The following TMEM17 variants were observed in gnomAD, a reference collection of about 807,000 sequenced individuals.
TMEM17 encodes transmembrane protein 17.
A neutral mutation model predicts 19.1 loss-of-function variants in TMEM17; 15 were observed. That is an observed-to-expected ratio of 0.78 (90% CI 0.52 to 1.21). The LOEUF (loss-of-function observed/expected upper bound fraction) is 1.21. Among genes scored for constraint, TMEM17 ranks in the 50% most tolerant of loss-of-function variants. TMEM17 has a pLI of 0.00. For synonymous variants in TMEM17, 103 were observed against 86.9 expected (o/e 1.19, Z -1.03); for missense variants, 245 against 242.3 (o/e 1.01, Z -0.07).
chr2:62,473,840 G>T, the TMEM17 span, among the ~76,000 whole-genome samples: 2 of 152,216 alleles, frequency 1.3e-5, no homozygotes, highest in African/African-American at 4.8e-5. Flanking sequence ...GACTCTGCTT[G>T]CTTTGGAAAC....
At chr2:62,497,480 C>T (rs1262690445), downstream of TMEM17, among the ~76,000 whole-genome samples, 1 of 152,116 alleles carries the variant, frequency 6.6e-6, no homozygotes, top group African/African-American at 2.4e-5. Context: ...GTAGTTGAAA[C>T]AGAACTCACA....
the TMEM17 span, among the ~76,000 whole-genome samples, chr2:62,494,416 C>A: frequency 6.6e-6 from 1 of 152,074 alleles, no homozygotes; most frequent in Non-Finnish European, 1.5e-5. Context: ...AGTCCTAAAA[C>A]TTCTACTTTC....
At chr2:62,481,306 C>T in the TMEM17 span, among the ~76,000 whole-genome samples, 1 of 152,120 alleles carries the variant, frequency 6.6e-6, no homozygotes, top group East Asian at 1.9e-4. Context: ...TGCAACTTTA[C>T]TGAATTATTT....
At chr2:62,478,792 T>C in the TMEM17 span, among the ~76,000 whole-genome samples, 1 of 152,202 alleles carries the variant, frequency 6.6e-6, no homozygotes, top group Admixed American at 6.5e-5. Context: ...GTTTTAAAAA[T>C]TATTATTTTG....
the TMEM17 span, among the ~76,000 whole-genome samples, chr2:62,459,428 G>T: frequency 6.6e-6 from 1 of 152,258 alleles, no homozygotes; most frequent in Non-Finnish European, 1.5e-5. Context: ...ATGGTGACTT[G>T]CTGCTCGGGC....
chr2:62,499,252 A>G (rs1046993786), downstream of TMEM17, among the ~76,000 whole-genome samples: 1 of 152,180 alleles, frequency 6.6e-6, no homozygotes, highest in African/African-American at 2.4e-5. Context: ...TAAAGTTTAA[A>G]TGTACCAGAA....
chr2:62,502,611 A>G, intron 2 of TMEM17, 61 bp from the exon 3 acceptor site: 1 of 1,368,438 alleles, frequency 7.3e-7, no homozygotes, highest in Non-Finnish European at 9.7e-7. Flanking sequence ...GATTTAAGAT[A>G]GAAAAAATTA....
At position 62,502,527 on chromosome 2, in the gene TMEM17, G is replaced by A. The variant is rs763621175; in HGVS notation, c.228C>T (p.Tyr76=). 6.2e-7 allele frequency: 1 copy of A among 1,609,738 alleles called. No homozygotes were observed. Among genetic ancestry groups the A allele is most frequent in the Non-Finnish European group, 8.5e-7 (1 of 1,177,040 alleles). The change falls in exon 3 of 4, where the codon TAC becomes TAT. Residue 76 remains tyrosine (Y), a synonymous_variant. Coordinates refer to ENST00000335390, the MANE Select transcript of TMEM17 (RefSeq NM_198276.3). Reference sequence around the variant, plus strand: ...TGATAACAGTGATCACAATGAATTTGTAGTAGTCAGGTAAGATTGAATACT... The same window carrying A: ...TGATAACAGTGATCACAATGAATTTATAGTAGTCAGGTAAGATTGAATACT... The part of the protein sequence containing the change: ...HMKYSILPDY[Y]KFIVITVIIL...
At chr2:62,462,024 G>A in the TMEM17 span, among the ~76,000 whole-genome samples, 1 of 152,248 alleles carries the variant, frequency 6.6e-6, no homozygotes, top group Non-Finnish European at 1.5e-5. Flanking sequence ...TCAGGAATTG[G>A]AAACTGAAGT....
At chr2:62,494,410 C>T in the TMEM17 span, among the ~76,000 whole-genome samples, 2 of 151,916 alleles carry the variant, frequency 1.3e-5, no homozygotes, top group Non-Finnish European at 1.5e-5. Flanking sequence ...AAGCAAAGTC[C>T]TAAAACTTCT....
chr2:62,475,601 G>T, the TMEM17 span, among the ~76,000 whole-genome samples: 1 of 152,240 alleles, frequency 6.6e-6, no homozygotes, highest in Non-Finnish European at 1.5e-5. Flanking sequence ...CTCCTGCCCT[G>T]CTGCCAAGCC....
intron 1 of TMEM17, among the ~76,000 whole-genome samples, chr2:62,503,292 C>T (rs1427873565): frequency 6.6e-6 from 1 of 152,200 alleles, no homozygotes; most frequent in Non-Finnish European, 1.5e-5. Context: ...AAGTCCAATT[C>T]AGTGTCATCT....
At chr2:62,475,783 A>G in the TMEM17 span, among the ~76,000 whole-genome samples, 1 of 152,236 alleles carries the variant, frequency 6.6e-6, no homozygotes, top group Admixed American at 6.5e-5. Flanking sequence ...TTTGAGGGAC[A>G]GTCAGGGATA....
the TMEM17 span, among the ~76,000 whole-genome samples, chr2:62,477,536 G>A: frequency 9.2e-5 from 14 of 152,194 alleles, no homozygotes; most frequent in Non-Finnish European, 2.9e-5. Context: ...GTACATATGC[G>A]AGTGCTAAGT....
the TMEM17 span, among the ~76,000 whole-genome samples, chr2:62,454,489 G>A: frequency 2.4e-4 from 36 of 152,256 alleles, no homozygotes; most frequent in Non-Finnish European, 3.8e-4. Flanking sequence ...GTACAGGATG[G>A]TAGGGCTGCC....
At chr2:62,464,757 A>G in the TMEM17 span, among the ~76,000 whole-genome samples, 1 of 152,146 alleles carries the variant, frequency 6.6e-6, no homozygotes, top group East Asian at 1.9e-4. Flanking sequence ...AATTTGGTGG[A>G]CAGGGGTCAG....
chr2:62,455,502 C>T, the TMEM17 span, among the ~76,000 whole-genome samples: 4 of 152,234 alleles, frequency 2.6e-5, no homozygotes, highest in Non-Finnish European at 5.9e-5. Context: ...CACAGTGGCT[C>T]ACGCCTGTAA....
chr2:62,496,052 T>TA (rs1679771068), downstream of TMEM17, among the ~76,000 whole-genome samples: 1 of 151,534 alleles, frequency 6.6e-6, no homozygotes, highest in African/African-American at 2.4e-5. Context: ...ATCTTTTTTT[T>TA]ATTCTTTCCA....
chr2:62,502,642 G>T, intron 2 of TMEM17, 49 bp downstream of exon 2: 1 of 1,480,114 alleles, frequency 6.8e-7, no homozygotes, highest in Non-Finnish European at 9.2e-7. Context: ...GAATTTTATT[G>T]ACACTCTAAC....
Sources: gnomAD v4.1 joint callset for allele counts (sites outside exome capture counted in the v4.1 genomes callset) on GRCh38, gnomAD v4.1.1 for gene constraint, MANE v1.5 for transcripts, NCBI Gene and HGNC (gene_info 2026-07-23, HGNC 2026-07-21) for gene names.